The following ROBO1 variants were observed in gnomAD, a reference collection of about 807,000 sequenced individuals.
ROBO1 encodes roundabout homolog 1.
ROBO1 carries 149 observed loss-of-function variants against 195.9 expected under a neutral mutation model. The ratio of observed to expected loss-of-function variants is 0.76; its 90% CI spans 0.67 to 0.87. The LOEUF is 0.87. Ranked by LOEUF, ROBO1 falls within the 40% of genes least tolerant of loss-of-function variation. ROBO1 has a pLI of 0.00. For synonymous variants in ROBO1, 816 were observed against 733.2 expected, an observed-to-expected ratio of 1.11 and a Z score of -1.82; for missense variants, 1,933 against 2,068.3, an observed-to-expected ratio of 0.93 and a Z score of 1.27.
intron 1 of ROBO1, among the ~76,000 whole-genome samples, chr3:79,708,684 G>A (rs1702157697): frequency 6.6e-6 from 1 of 152,138 alleles, no homozygotes; most frequent in African/African-American, 2.4e-5. Context: ...TCAACAGAGT[G>A]AGACTTTGTG....
chr3:79,293,926 C>T (rs1348815346), intron 2 of ROBO1, among the ~76,000 whole-genome samples: 10 of 150,176 alleles, frequency 6.7e-5, no homozygotes, highest in Non-Finnish European at 1.3e-4. Context: ...GGCGTGGTAG[C>T]GGGCGCCTGT....
intron 2 of ROBO1, among the ~76,000 whole-genome samples, chr3:79,449,776 A>T (rs971187973): frequency 2.5e-4 from 38 of 152,200 alleles, no homozygotes; most frequent in African/African-American, 8.9e-4. Flanking sequence ...AGGAAAGTTT[A>T]AAAAAGTTTA....
chr3:78,624,827 C>G (rs556699699), intron 26 of ROBO1, among the ~76,000 whole-genome samples: 1 of 152,046 alleles, frequency 6.6e-6, no homozygotes, highest in African/African-American at 2.4e-5. Context: ...GCCAGGCAAG[C>G]AGAGGACGTG....
At chr3:79,286,027 C>T (rs1292234269) in intron 2 of ROBO1, among the ~76,000 whole-genome samples, 2 of 152,050 alleles carry the variant, frequency 1.3e-5, no homozygotes, top group East Asian at 1.9e-4. Flanking sequence ...ATGTGAGCTA[C>T]GTATAAACTT....
At chr3:79,411,450 T>A (rs555785543) in intron 2 of ROBO1, among the ~76,000 whole-genome samples, 5,235 of 152,264 alleles carry the variant, frequency 0.034, 202 homozygotes, top group African/African-American at 0.098. Flanking sequence ...AAGTATCAGC[T>A]TTTAAGTTAT....
At chr3:79,222,200 T>C (rs999780118) in intron 2 of ROBO1, among the ~76,000 whole-genome samples, 1 of 152,102 alleles carries the variant, frequency 6.6e-6, no homozygotes, top group African/African-American at 2.4e-5. Flanking sequence ...TTACTGCTTT[T>C]GCCACTGTTT....
intron 8 of ROBO1, among the ~76,000 whole-genome samples, chr3:78,697,431 C>T (rs1029975707): frequency 2.0e-5 from 3 of 152,124 alleles, no homozygotes; most frequent in Non-Finnish European, 4.4e-5. Flanking sequence ...GTTAGTTGAA[C>T]AGATACTTAA....
At chr3:78,961,271 AGAGAT>A (rs2041333046) in intron 3 of ROBO1, among the ~76,000 whole-genome samples, 1 of 152,182 alleles carries the variant, frequency 6.6e-6, no homozygotes, top group Admixed American at 6.5e-5. Flanking sequence ...AAAGACAGGG[AGAGAT>A]GAATCAAAAT....
At chr3:79,139,465 CA>C (rs2080477646) in intron 2 of ROBO1, among the ~76,000 whole-genome samples, 1 of 152,078 alleles carries the variant, frequency 6.6e-6, no homozygotes, top group Admixed American at 6.6e-5. Flanking sequence ...CAGTATGACA[CA>C]ACATGTTTTT....
chr3:79,663,820 T>A (rs1225741814), intron 1 of ROBO1, among the ~76,000 whole-genome samples: 3 of 152,020 alleles, frequency 2.0e-5, no homozygotes, highest in Non-Finnish European at 4.4e-5. Context: ...TCCCACTTCT[T>A]TCTTTGTTGG....
At chr3:79,337,902 A>G (rs1446231639) in intron 2 of ROBO1, among the ~76,000 whole-genome samples, 1 of 152,170 alleles carries the variant, frequency 6.6e-6, no homozygotes, top group Non-Finnish European at 1.5e-5. Context: ...AACTTTTTAA[A>G]CATTTTAAAA....
At chr3:79,725,643 C>T (rs1010082813) in intron 1 of ROBO1, among the ~76,000 whole-genome samples, 7 of 152,060 alleles carry the variant, frequency 4.6e-5, no homozygotes, top group African/African-American at 1.7e-4. Flanking sequence ...TGTTATAATG[C>T]CCCTAAATTA....
chr3:79,489,295 G>A (rs553689278), intron 2 of ROBO1, among the ~76,000 whole-genome samples: 2 of 152,202 alleles, frequency 1.3e-5, no homozygotes, highest in South Asian at 4.1e-4. Flanking sequence ...TGGCATTAAT[G>A]AAAAGTTCAA....
intron 4 of ROBO1, among the ~76,000 whole-genome samples, chr3:78,808,197 ATTATT>A (rs528744610): frequency 3.3e-5 from 5 of 152,102 alleles, no homozygotes; most frequent in Non-Finnish European, 5.9e-5. Context: ...TGAAATGAGA[ATTATT>A]TTATTTTATT....
At chr3:78,916,258 A>AAG in intron 4 of ROBO1, among the ~76,000 whole-genome samples, 1 of 149,248 alleles carries the variant, frequency 6.7e-6, no homozygotes, top group African/African-American at 2.5e-5. Flanking sequence ...AAAAAAAAAA[A>AAG]AAAACAACTT....
chr3:78,855,133 A>G (rs2034333661), intron 4 of ROBO1, among the ~76,000 whole-genome samples: 1 of 152,114 alleles, frequency 6.6e-6, no homozygotes, highest in Admixed American at 6.6e-5. Flanking sequence ...GAAAAAAAAA[A>G]GCCATAAGGA....
intron 1 of ROBO1, among the ~76,000 whole-genome samples, chr3:79,599,189 T>A (rs1415230665): frequency 6.6e-6 from 1 of 152,050 alleles, no homozygotes; most frequent in African/African-American, 2.4e-5. Flanking sequence ...TGTGAAGTAT[T>A]CAAAATACTG....
At chr3:78,863,611 T>C (rs1471594318) in intron 4 of ROBO1, among the ~76,000 whole-genome samples, 1 of 152,218 alleles carries the variant, frequency 6.6e-6, no homozygotes, top group Non-Finnish European at 1.5e-5. Flanking sequence ...ACACTTGTTT[T>C]ATAGTTTCTT....
At chr3:78,848,028 A>C (rs1157824712) in intron 4 of ROBO1, among the ~76,000 whole-genome samples, 1 of 152,154 alleles carries the variant, frequency 6.6e-6, no homozygotes, top group Non-Finnish European at 1.5e-5. Context: ...AAGGTAACAT[A>C]AAACCAAACT....
Sources: gnomAD v4.1 joint callset for allele counts (sites outside exome capture counted in the v4.1 genomes callset) on GRCh38, gnomAD v4.1.1 for gene constraint, MANE v1.5 for transcripts, NCBI Gene and HGNC (gene_info 2026-07-23, HGNC 2026-07-21) for gene names.